Variants in XKR9 observed in about 807,000 individuals in gnomAD.
XKR9 encodes the protein XK related 9.
Under a neutral mutation model 32.0 loss-of-function variants are expected in XKR9, and 32 were observed. The observed-to-expected ratio is 1.00, with a 90% CI of 0.76 to 1.34. The LOEUF (loss-of-function observed/expected upper bound fraction) is 1.34, where lower values mean the gene tolerates loss of function less well. Ranked by LOEUF, XKR9 falls within the 40% of genes most tolerant of loss-of-function variation. The pLI, the probability that XKR9 is intolerant of heterozygous loss-of-function variation, is 0.00. For synonymous variants in XKR9, 168 were observed against 143.4 expected (o/e 1.17, Z -1.22); for missense variants, 546 against 429.7 (o/e 1.27, Z -2.39).
At chr8:70,944,669 G>A in the XKR9 span, among the ~76,000 whole-genome samples, 8 of 152,290 alleles carry the variant, frequency 5.3e-5, no homozygotes, top group Middle Eastern at 3.4e-3. Flanking sequence ...TGACCAGTTA[G>A]CGGCAGCAAA....
chr8:70,959,116 T>C, the XKR9 span, among the ~76,000 whole-genome samples: 1 of 152,154 alleles, frequency 6.6e-6, no homozygotes, highest in African/African-American at 2.4e-5. Context: ...AACAAAGACT[T>C]GTAATCTTCC....
chr8:70,939,427 G>T, the XKR9 span, among the ~76,000 whole-genome samples: 47 of 151,956 alleles, frequency 3.1e-4, no homozygotes, highest in Non-Finnish European at 6.6e-4. Context: ...CACTGCACAG[G>T]TATTTCTCTT....
At chr8:70,708,242 GT>G (rs971084208) in intron 4 of XKR9, among the ~76,000 whole-genome samples, 1 of 151,980 alleles carries the variant, frequency 6.6e-6, no homozygotes, top group Non-Finnish European at 1.5e-5. Context: ...GTATTACATA[GT>G]TCTGAAACTA....
At chr8:70,773,070 ACTG>A (rs1807475181) in intron 2 of XKR9, among the ~76,000 whole-genome samples, 3 of 152,222 alleles carry the variant, frequency 2.0e-5, no homozygotes, top group East Asian at 3.8e-4. Context: ...ATATAATCAT[ACTG>A]TAGCACAAGT....
At chr8:70,856,914 T>C in the XKR9 span, among the ~76,000 whole-genome samples, 1 of 152,156 alleles carries the variant, frequency 6.6e-6, no homozygotes, top group Admixed American at 6.5e-5. Flanking sequence ...AAAGATGTTC[T>C]TTGAAACCAA....
intron 2 of XKR9, among the ~76,000 whole-genome samples, chr8:70,782,562 G>T (rs1348078292): frequency 6.6e-6 from 1 of 151,560 alleles, no homozygotes; most frequent in Admixed American, 6.6e-5. Context: ...TGTACCTTTT[G>T]ATCATAATCT....
chr8:71,033,539 T>C, the XKR9 span, among the ~76,000 whole-genome samples: 1 of 152,244 alleles, frequency 6.6e-6, no homozygotes, highest in East Asian at 1.9e-4. Flanking sequence ...TGTGGCAATG[T>C]TGGGATGTGG....
chr8:70,865,154 G>T, the XKR9 span, among the ~76,000 whole-genome samples: 7 of 152,078 alleles, frequency 4.6e-5, no homozygotes, highest in African/African-American at 1.7e-4. Context: ...TAGTTTATTT[G>T]CTAGTGAAGA....
intron 3 of XKR9, among the ~76,000 whole-genome samples, chr8:70,789,684 C>T (rs560888941): frequency 1.1e-3 from 166 of 152,056 alleles, no homozygotes; most frequent in Non-Finnish European, 1.8e-3. Context: ...TCTTTCTACT[C>T]TATGGGATCT....
chr8:70,685,767 G>T (rs1276435789), intron 3 of XKR9, among the ~76,000 whole-genome samples: 5 of 143,212 alleles, frequency 3.5e-5, no homozygotes, highest in Non-Finnish European at 6.1e-5. Context: ...ATAGCATTAG[G>T]AGATATACCT....
chr8:70,694,546 G>A (rs983314257), intron 3 of XKR9, among the ~76,000 whole-genome samples: 2 of 152,172 alleles, frequency 1.3e-5, no homozygotes, highest in African/African-American at 4.8e-5. Flanking sequence ...TTGATAGAGC[G>A]GCTGTGCTAT....
At chr8:70,683,497 T>TA (rs1223308847) in intron 3 of XKR9, 2 of 441,848 alleles carry the variant, frequency 4.5e-6, no homozygotes, top group Non-Finnish European at 9.0e-6. Flanking sequence ...ACTTTTCTTT[T>TA]TTTTTTTTGA....
rs188438071 is a variant in XKR9, at chr8:70,789,142, C to A, written n.353-197C>A. Among the ~76,000 whole-genome samples the A allele has an allele frequency of 7.5e-4, 114 of 151,934 alleles. 1 individual carries two copies. The highest frequency in any genetic ancestry group is 1.1e-3 in the Non-Finnish European group (72 of 67,864). ...TGCCAATTTCATTTACAACAAACAA[C>A]AAAACACAGTTTACGTGTAACTTAG... On this transcript the variant is annotated intron_variant and non_coding_transcript_variant, in intron 2 of 3. Transcript: ENST00000520273.
At chr8:70,832,745 G>A in the XKR9 span, among the ~76,000 whole-genome samples, 558 of 152,282 alleles carry the variant, frequency 3.7e-3, 2 homozygotes, top group Non-Finnish European at 5.7e-3. Context: ...GTTTAGAATG[G>A]TTAATAACTT....
At chr8:70,763,899 C>T (rs1044103614) in intron 2 of XKR9, among the ~76,000 whole-genome samples, 1 of 152,184 alleles carries the variant, frequency 6.6e-6, no homozygotes, top group Non-Finnish European at 1.5e-5. Flanking sequence ...GCATCTGCCT[C>T]TAGGTCTGCA....
At chr8:70,778,547 C>A (rs192889690) in intron 2 of XKR9, among the ~76,000 whole-genome samples, 1 of 152,146 alleles carries the variant, frequency 6.6e-6, no homozygotes, top group Non-Finnish European at 1.5e-5. Context: ...GCAGTATGAC[C>A]ATTTTCATGA....
chr8:70,889,009 G>A, the XKR9 span, among the ~76,000 whole-genome samples: 1 of 151,802 alleles, frequency 6.6e-6, no homozygotes, highest in African/African-American at 2.4e-5. Context: ...ATTTGCATAG[G>A]TATTGCATTG....
the XKR9 span, among the ~76,000 whole-genome samples, chr8:70,809,426 A>C: frequency 1.3e-5 from 2 of 152,182 alleles, no homozygotes; most frequent in South Asian, 2.1e-4. Context: ...TCACCAGCAA[A>C]GCTCAAAGCT....
the XKR9 span, among the ~76,000 whole-genome samples, chr8:71,034,161 T>C: frequency 6.6e-6 from 1 of 152,212 alleles, no homozygotes; most frequent in Admixed American, 6.5e-5. Context: ...TCTTGAATTA[T>C]AATTTAAATT....
Sources: gnomAD v4.1 joint callset for allele counts (sites outside exome capture counted in the v4.1 genomes callset) on GRCh38, gnomAD v4.1.1 for gene constraint, MANE v1.5 for transcripts, NCBI Gene and HGNC (gene_info 2026-07-23, HGNC 2026-07-21) for gene names.